Variants in SMYD3 observed in about 807,000 individuals in gnomAD.
SMYD3 encodes the protein SET and MYND domain containing 3.
Under a neutral mutation model 57.7 loss-of-function variants are expected in SMYD3, and 36 were observed. The ratio of observed to expected loss-of-function variants is 0.62; its 90% CI spans 0.48 to 0.82. SMYD3 has a LOEUF of 0.82. SMYD3 is among the 40% of genes least tolerant of loss of function. The pLI is 0.00. For missense variants in SMYD3, 515 were observed against 538.8 expected (o/e 0.96, Z 0.44); for synonymous variants, 211 against 195.0 (o/e 1.08, Z -0.68).
At chr1:246,189,290 T>G (rs2062695696) in intron 5 of SMYD3, among the ~76,000 whole-genome samples, 4 of 152,188 alleles carry the variant, frequency 2.6e-5, no homozygotes, top group Admixed American at 1.3e-4. Context: ...TCTAAAGAGA[T>G]GCTATCATCA....
At chr1:246,134,678 A>G (rs2061639852) in intron 5 of SMYD3, among the ~76,000 whole-genome samples, 2 of 152,030 alleles carry the variant, frequency 1.3e-5, no homozygotes, top group Non-Finnish European at 2.9e-5. Context: ...ATTTAAATAT[A>G]AGCAGCATCT....
At chr1:246,167,147 T>C (rs557946373) in intron 5 of SMYD3, among the ~76,000 whole-genome samples, 3 of 152,368 alleles carry the variant, frequency 2.0e-5, no homozygotes, top group Non-Finnish European at 2.9e-5. Flanking sequence ...TGATACTCGA[T>C]TGTATGGATA....
rs1026478500 is a variant in SMYD3, at chr1:246,470,383, C to T, written c.164+36671G>A. Among the ~76,000 whole-genome samples the T allele has an allele frequency of 4.0e-5, 6 of 151,870 alleles. No individual in the cohort carries two copies. The East Asian group carries it at 1.2e-3, about 29-fold the overall frequency. ...TAGTGGCACACACGTGTAATCCCAG[C>T]TACTCAGGAGGCCGAGGCAGGAGAA... On this transcript the variant is annotated intron_variant, in intron 1 of 11. Coordinates refer to ENST00000490107, the MANE Select transcript of SMYD3 (RefSeq NM_001167740.2).
At chr1:245,793,297 T>C (rs1489547409) in intron 10 of SMYD3, among the ~76,000 whole-genome samples, 1 of 149,198 alleles carries the variant, frequency 6.7e-6, no homozygotes, top group Non-Finnish European at 1.5e-5. Flanking sequence ...CGAGACTCCG[T>C]CCCAAAAAAA....
intron 10 of SMYD3, among the ~76,000 whole-genome samples, chr1:245,840,886 C>T (rs527964019): frequency 7.2e-5 from 11 of 152,030 alleles, no homozygotes; most frequent in African/African-American, 1.9e-4. Flanking sequence ...AACTAATTAA[C>T]GGGACTTTTA....
At chr1:246,288,933 G>A (rs1044806763) in intron 5 of SMYD3, among the ~76,000 whole-genome samples, 1 of 152,108 alleles carries the variant, frequency 6.6e-6, no homozygotes, top group Non-Finnish European at 1.5e-5. Context: ...GGCCAACATG[G>A]TGAAACCCTG....
chr1:246,007,948 C>T (rs970244699), intron 5 of SMYD3, among the ~76,000 whole-genome samples: 1 of 152,158 alleles, frequency 6.6e-6, no homozygotes, highest in Admixed American at 6.5e-5. Flanking sequence ...AATCAGTTAA[C>T]AATCCATTCC....
At chr1:245,846,097 G>T (rs557396139) in intron 10 of SMYD3, among the ~76,000 whole-genome samples, 32 of 152,184 alleles carry the variant, frequency 2.1e-4, no homozygotes, top group African/African-American at 7.0e-4. Flanking sequence ...TGAATGGGGT[G>T]GGGGGGAAGA....
At chr1:246,228,776 ACCT>A (rs2063368166) in intron 5 of SMYD3, among the ~76,000 whole-genome samples, 1 of 152,126 alleles carries the variant, frequency 6.6e-6, no homozygotes, top group South Asian at 2.1e-4. Context: ...AAAAAATTAA[ACCT>A]CCATCATCTA....
intron 5 of SMYD3, among the ~76,000 whole-genome samples, chr1:246,069,628 A>T (rs1353491729): frequency 6.6e-6 from 1 of 152,244 alleles, no homozygotes; most frequent in Non-Finnish European, 1.5e-5. Context: ...CATAAAACAG[A>T]AAGATGGCAT....
At chr1:245,813,293 A>G (rs6605255) in intron 10 of SMYD3, among the ~76,000 whole-genome samples, 118,245 of 152,002 alleles carry the variant, frequency 0.78, 47,279 homozygotes, top group Non-Finnish European at 0.89. Context: ...GATTACAGGC[A>G]TGAGCCACCG....
chr1:245,916,273 C>A (rs1055120157), intron 7 of SMYD3, among the ~76,000 whole-genome samples: 2 of 152,158 alleles, frequency 1.3e-5, no homozygotes, highest in Admixed American at 6.5e-5. Flanking sequence ...GTAATATCCC[C>A]TGCCTCGGAT....
chr1:246,392,448 G>T (rs1473734020), intron 1 of SMYD3, among the ~76,000 whole-genome samples: 1 of 152,028 alleles, frequency 6.6e-6, no homozygotes, highest in Non-Finnish European at 1.5e-5. Flanking sequence ...ACTCCATTAT[G>T]AAGGACTACT....
intron 10 of SMYD3, among the ~76,000 whole-genome samples, chr1:245,825,952 G>A (rs1463620253): frequency 6.8e-6 from 1 of 146,352 alleles, no homozygotes; most frequent in Non-Finnish European, 1.5e-5. Flanking sequence ...TTCCTATGAA[G>A]GCAAAGACCT....
intron 5 of SMYD3, among the ~76,000 whole-genome samples, chr1:245,960,981 C>T (rs774795242): frequency 2.6e-5 from 4 of 152,144 alleles, no homozygotes; most frequent in Non-Finnish European, 4.4e-5. Context: ...AAAATGGCAA[C>T]ATTTAAAAAA....
In SMYD3 at chr1:245,764,023, A is replaced by G; in HGVS notation, c.1185+18T>C. On this transcript the variant is annotated intron_variant, in intron 11 of 11. Transcript: ENST00000490107. ...AAAGGATGCCAGGCAGAACTATGTG[A>G]GATCTTGGCACACTCACCAGTCTCA... The G allele has an allele frequency of 2.5e-6, 4 of 1,580,832 alleles. No homozygotes were observed. In the South Asian group the frequency reaches 4.4e-5, roughly 17 times the overall value.
chr1:246,384,191 T>C (rs1165695206), intron 1 of SMYD3, among the ~76,000 whole-genome samples: 1 of 152,182 alleles, frequency 6.6e-6, no homozygotes, highest in Non-Finnish European at 1.5e-5. Context: ...ATAATTATCC[T>C]TCAGATATCT....
Position 246,151,775 on chromosome 1 carries a change from T to C in SMYD3, c.531+175426A>G, listed in dbSNP as rs546410430. Among the ~76,000 whole-genome samples, 5 of 152,310 alleles carry C rather than the reference T, an allele frequency of 3.3e-5. No individual in the cohort carries two copies. In the East Asian group the frequency reaches 9.6e-4, roughly 29 times the overall value. ...CAGAGGTATTTTCAGAGCCTAGCTGTGCATTCCCAAGGATTCAGGCGTATG... is the reference window on the plus strand; with the variant it reads ...CAGAGGTATTTTCAGAGCCTAGCTGCGCATTCCCAAGGATTCAGGCGTATG... On this transcript the variant is annotated intron_variant, in intron 5 of 11. Transcript: ENST00000490107.
At chr1:245,855,010 C>A (rs142349052) in intron 10 of SMYD3, among the ~76,000 whole-genome samples, 21 of 152,286 alleles carry the variant, frequency 1.4e-4, no homozygotes, top group Middle Eastern at 6.8e-3. Flanking sequence ...CACTCTCACA[C>A]GGAACATTTC....
Sources: allele counts gnomAD v4.1 joint callset (sites outside exome capture counted in the v4.1 genomes callset), GRCh38; gene constraint gnomAD v4.1.1; transcripts MANE v1.5; gene names NCBI Gene and HGNC (gene_info 2026-07-23, HGNC 2026-07-21).